C5: variants seen among roughly 807,000 people sequenced by gnomAD.
C5 encodes C3 and PZP-like alpha-2-macroglobulin domain-containing protein 4.
Under a neutral mutation model 218.8 loss-of-function variants are expected in C5, and 140 were observed. That is an observed-to-expected ratio of 0.64 (90% confidence interval 0.56 to 0.74). The LOEUF (loss-of-function observed/expected upper bound fraction) is 0.74, where lower values mean the gene tolerates loss of function less well. Among genes scored for constraint, C5 ranks in the 30% least tolerant of loss-of-function variants. The probability of loss-of-function intolerance (pLI) is 0.00; values close to 1 mark genes in which losing one functional copy is unlikely to be tolerated. For missense variants in C5, 1,700 were observed against 1,969.6 expected (o/e 0.86, Z 2.59); for synonymous variants, 614 against 682.3 (o/e 0.90, Z 1.56).
At chr9:120,989,239 C>G (rs2047057580) in intron 24 of C5, 118 bp from the exon 25 acceptor site, 1 of 807,270 alleles carries the variant, frequency 1.2e-6, no homozygotes, top group African/African-American at 1.7e-5. Flanking sequence ...CAAGCATATG[C>G]TCTGTGGCCA....
chr9:121,060,190 T>G, the C5 span, among the ~76,000 whole-genome samples: 1 of 152,232 alleles, frequency 6.6e-6, no homozygotes. Flanking sequence ...TTTAAGTTCC[T>G]GAAGAGCAGC....
chr9:121,035,356 G>T (rs1205438974), intron 4 of C5, among the ~76,000 whole-genome samples: 1 of 152,190 alleles, frequency 6.6e-6, no homozygotes, highest in East Asian at 1.9e-4. Flanking sequence ...TTTTATAAAT[G>T]TATAGTATGG....
chr9:120,982,064 T>A lies in C5; in HGVS notation c.3391-125A>T, dbSNP rs555161436. The stretch of plus-strand genomic sequence containing the variant: ...TCTCACTCTGTCACCCAAGCTGGAG[T>A]GCAATGGCTTGATCTTGGCTCACTG... On this transcript the variant is annotated intron_variant, in intron 26 of 40. Transcript: ENST00000223642. The A allele has an allele frequency of 2.8e-4, 200 of 718,780 alleles. 1 individual carries two copies. Among genetic ancestry groups the A allele is most frequent in the Middle Eastern group, 2.2e-3 (6 of 2,692 alleles). 44.5% of individuals were successfully genotyped at this position (718,780 alleles called of 1,614,324 possible).
intron 22 of C5, among the ~76,000 whole-genome samples, chr9:120,993,567 T>A (rs7035199): frequency 6.6e-6 from 1 of 151,778 alleles, no homozygotes; most frequent in Non-Finnish European, 1.5e-5. Context: ...GGACTACAGG[T>A]GCCCACCACC....
the C5 span, among the ~76,000 whole-genome samples, chr9:121,060,834 A>T: frequency 6.6e-6 from 1 of 152,232 alleles, no homozygotes; most frequent in African/African-American, 2.4e-5. Flanking sequence ...ATTCAGCATT[A>T]TACTCATTTT....
intron 5 of C5, among the ~76,000 whole-genome samples, chr9:121,033,722 T>G (rs1161241194): frequency 6.6e-6 from 1 of 152,244 alleles, no homozygotes; most frequent in Non-Finnish European, 1.5e-5. Flanking sequence ...ATTTAAATTT[T>G]TAGAAAAATT....
intron 3 of C5, among the ~76,000 whole-genome samples, chr9:121,042,249 T>C (rs2047587850): frequency 6.6e-6 from 1 of 152,218 alleles, no homozygotes; most frequent in Non-Finnish European, 1.5e-5. Flanking sequence ...ATTCATACTT[T>C]TCTGTGTTTT....
chr9:120,980,375 C>A, intron 27 of C5, 121 bp from the exon 28 acceptor site: 1 of 825,556 alleles, frequency 1.2e-6, no homozygotes. Context: ...GAGGACTGAC[C>A]TAATGGAAAT....
rs41313615 is a variant in C5 at position 120,958,037 on chromosome 9, T to C, written c.4679-669A>G. Among the ~76,000 whole-genome samples, 221 of 152,376 alleles carry C rather than the reference T, an allele frequency of 1.5e-3. 1 individual carries two copies. Among genetic ancestry groups the C allele is most frequent in the African/African-American group, 5.2e-3 (216 of 41,588 alleles). ...CCTCAGGAGAGATTTATTTTATTTTTGCTTTTGATCTATTTTTTGTTTTGA... is the reference window on the plus strand; with the variant it reads ...CCTCAGGAGAGATTTATTTTATTTTCGCTTTTGATCTATTTTTTGTTTTGA... On this transcript the variant is annotated intron_variant, in intron 38 of 40. Transcript: ENST00000223642.
chr9:121,054,460 T>C (rs1162430806), upstream of C5, among the ~76,000 whole-genome samples: 1 of 151,986 alleles, frequency 6.6e-6, no homozygotes, highest in Non-Finnish European at 1.5e-5. Context: ...ATTAGCTGGG[T>C]GTGGTGACAG....
chr9:121,024,324 A>G (rs1438613051), intron 9 of C5, among the ~76,000 whole-genome samples: 1 of 818 alleles, frequency 1.2e-3, no homozygotes, highest in Non-Finnish European at 2.1e-3. Flanking sequence ...GGGGGAGGGG[A>G]GGGGGAGGGG....
chr9:120,975,039 A>C, intron 29 of C5, 108 bp from the exon 30 acceptor site: 1 of 1,210,460 alleles, frequency 8.3e-7, no homozygotes, highest in African/African-American at 1.5e-5. Context: ...TGGAGATGAA[A>C]CTCCAGCTGA....
At chr9:120,972,171 T>C (rs1025349946) in intron 30 of C5, among the ~76,000 whole-genome samples, 179 bp from the exon 31 acceptor site, 2 of 152,140 alleles carry the variant, frequency 1.3e-5, no homozygotes, top group African/African-American at 4.8e-5. Flanking sequence ...AAGGCTGGTA[T>C]TTCCCCTTTC....
chr9:121,026,717 C>T (rs1463340105), intron 8 of C5, among the ~76,000 whole-genome samples: 1 of 152,134 alleles, frequency 6.6e-6, no homozygotes, highest in Admixed American at 6.5e-5. Flanking sequence ...AGAAAAGAGG[C>T]TATACAGCCG....
chr9:120,995,551 T>A (rs1201705027), intron 22 of C5, among the ~76,000 whole-genome samples: 1 of 152,116 alleles, frequency 6.6e-6, no homozygotes, highest in African/African-American at 2.4e-5. Flanking sequence ...TTAATTAGCA[T>A]TATTATGTTT....
chr9:121,020,031 A>G lies in C5; in HGVS notation c.1451T>C (p.Ile484Thr), dbSNP rs764136831. ...KALLVGEHLN[I>T]IVTPKSPYID... The stretch of plus-strand genomic sequence containing the variant: ...ATATGGGCTTTTGGGGGTAACAATA[A>G]TATTCAGATGTTCTCCCACTAGCAA... Residue 484 changes from isoleucine to threonine, a missense_variant, in exon 12 of 41, where the codon ATT (isoleucine) becomes ACT (threonine). Ile to Thr is a moderately conservative substitution (Grantham distance 89). Coordinates refer to ENST00000223642, the MANE Select transcript of C5 (RefSeq NM_001735.3). The G allele has an allele frequency of 1.2e-6, 2 of 1,612,662 alleles. No homozygotes were observed. The highest frequency in any genetic ancestry group is 1.7e-6 in the Non-Finnish European group (2 of 1,178,732).
chr9:121,023,668 T>C (rs1007547018), intron 9 of C5, 149 bp from the exon 10 acceptor site: 3 of 674,750 alleles, frequency 4.4e-6, no homozygotes, highest in African/African-American at 1.8e-5. Context: ...AAGTAGGACA[T>C]AGGTCTTGCT....
At chr9:121,012,842 T>C (rs540247823) in intron 17 of C5, among the ~76,000 whole-genome samples, 1 of 152,266 alleles carries the variant, frequency 6.6e-6, no homozygotes, top group East Asian at 1.9e-4. Flanking sequence ...ACAACTGTAA[T>C]GCAATGATAA....
chr9:120,981,887 G>A lies in C5; in HGVS notation c.3443C>T (p.Thr1148Ile). Residue 1148 changes from threonine (T) to isoleucine (I), a missense_variant, in exon 27 of 41, where the codon ACT (threonine) becomes ATT (isoleucine). Physicochemically the swap from Thr to Ile is moderately conservative, Grantham distance 89. Coordinates refer to ENST00000223642, the MANE Select transcript of C5 (RefSeq NM_001735.3). The stretch of plus-strand genomic sequence containing the variant: ...GAAAGCCTTTCTAATTCCAATCACA[G>A]TAAAGGCTGTAAGATATAAGCTGTT... ...RENSLYLTAF[T>I]VIGIRKAFDI... 1 of 1,614,044 alleles carries A rather than the reference G, an allele frequency of 6.2e-7. No homozygotes were observed. Among genetic ancestry groups the A allele is most frequent in the Non-Finnish European group, 8.5e-7 (1 of 1,179,920 alleles).
Sources: gnomAD v4.1 joint callset for allele counts (sites outside exome capture counted in the v4.1 genomes callset) on GRCh38, gnomAD v4.1.1 for gene constraint, MANE v1.5 for transcripts, NCBI Gene and HGNC (gene_info 2026-07-23, HGNC 2026-07-21) for gene names.